The following PLD1 variants were observed in gnomAD, a reference collection of about 807,000 sequenced individuals.
PLD1 encodes choline phosphatase 1.
In PLD1, 112 loss-of-function variants were observed where a neutral mutation model predicts 137.1. That is an observed-to-expected ratio of 0.82 (90% CI 0.70 to 0.96). The LOEUF is 0.96. PLD1 is among the 40% of genes least tolerant of loss of function. The pLI is 0.00. For synonymous variants in PLD1, 431 were observed against 454.7 expected, an observed-to-expected ratio of 0.95 and a Z score of 0.66; for missense variants, 1,321 against 1,342.0, an observed-to-expected ratio of 0.98 and a Z score of 0.24.
At chr3:171,620,265 G>T in intron 24 of PLD1, 121 bp downstream of exon 24, 3 of 628,330 alleles carry the variant, frequency 4.8e-6, no homozygotes, top group Non-Finnish European at 8.1e-6. Context: ...AAATGTTTTA[G>T]TTATGGTGTT....
At chr3:171,753,989 A>G (rs1301763686) in intron 1 of PLD1, among the ~76,000 whole-genome samples, 1 of 152,102 alleles carries the variant, frequency 6.6e-6, no homozygotes, top group Non-Finnish European at 1.5e-5. Context: ...TGCCTGATTG[A>G]TTCCTATCAT....
chr3:171,643,168 G>A (rs1256184231), intron 22 of PLD1: 3 of 311,262 alleles, frequency 9.6e-6, no homozygotes, highest in African/African-American at 6.6e-5. Flanking sequence ...GAAGGGTCAT[G>A]AATGAACTTT....
intron 1 of PLD1, among the ~76,000 whole-genome samples, chr3:171,803,178 T>A (rs967788723): frequency 6.6e-6 from 1 of 152,124 alleles, no homozygotes. Context: ...AAAGGAAGAA[T>A]CAAGGGTTAA....
chr3:171,771,689 T>C (rs940454810), intron 1 of PLD1, among the ~76,000 whole-genome samples: 1 of 152,242 alleles, frequency 6.6e-6, no homozygotes, highest in Non-Finnish European at 1.5e-5. Flanking sequence ...TTGTTCAAGT[T>C]GTGTGGCAGT....
chr3:171,759,582 AG>A (rs1200516098), intron 1 of PLD1, among the ~76,000 whole-genome samples: 1 of 152,184 alleles, frequency 6.6e-6, no homozygotes, highest in East Asian at 1.9e-4. Flanking sequence ...CAGAAAAGGG[AG>A]AAAAAGAAGA....
Position 171,711,093 on chromosome 3 carries a change from T to A in PLD1, c.912-1384A>T, listed in dbSNP as rs542820436. Reference sequence around the variant, plus strand: ...TCTCCATGTTAGGCTGGTCTCGAACTCTCAACCTCAGGGGATCGGCCTGCC... The same window carrying A: ...TCTCCATGTTAGGCTGGTCTCGAACACTCAACCTCAGGGGATCGGCCTGCC... On this transcript the variant is annotated intron_variant, in intron 9 of 26. Coordinates refer to ENST00000351298, the MANE Select transcript of PLD1 (RefSeq NM_002662.5). Among the ~76,000 whole-genome samples, 294 of 150,794 alleles carry A rather than the reference T, an allele frequency of 1.9e-3. 2 individuals are homozygous for A. The highest frequency in any genetic ancestry group is 6.3e-3 in the African/African-American group (258 of 41,050).
rs373202033 is a variant in PLD1 at position 171,662,084 on chromosome 3, G to A, written c.2316C>T (p.Asn772=). The A allele has an allele frequency of 3.6e-5, 58 of 1,607,232 alleles. No homozygotes were observed. Among genetic ancestry groups the A allele is most frequent in the Non-Finnish European group, 4.9e-5 (57 of 1,173,874 alleles). The change falls in exon 20 of 27, where the codon AAC becomes AAT. Residue 772 remains asparagine (N), a synonymous_variant. Coordinates refer to ENST00000351298, the MANE Select transcript of PLD1 (RefSeq NM_002662.5). ...CTTCGATATAGATATAGTGCCTGCTGTTCTCTATCACATGGACGTAAGCGG... is the reference window on the plus strand; with the variant it reads ...CTTCGATATAGATATAGTGCCTGCTATTCTCTATCACATGGACGTAAGCGG... The part of the protein sequence containing the change: ...IHAAYVHVIE[N]SRHYIYIENQ...
intron 1 of PLD1, among the ~76,000 whole-genome samples, chr3:171,800,330 T>C (rs751572415): frequency 3.3e-5 from 5 of 152,264 alleles, no homozygotes; most frequent in East Asian, 1.9e-4. Context: ...TGCCTCAGCC[T>C]CCCAAGTAGC....
intron 8 of PLD1, among the ~76,000 whole-genome samples, chr3:171,722,227 T>C (rs183848968): frequency 6.6e-6 from 1 of 152,360 alleles, no homozygotes; most frequent in Admixed American, 6.5e-5. Flanking sequence ...TTTTAGTTGG[T>C]AAGACGTAAG....
At chr3:171,741,911 T>C (rs1340007252) in intron 1 of PLD1, among the ~76,000 whole-genome samples, 2 of 152,234 alleles carry the variant, frequency 1.3e-5, no homozygotes, top group Admixed American at 1.3e-4. Context: ...TAATTATTGA[T>C]ATTAACATAA....
At chr3:171,653,222 T>C (rs1400678817) in intron 21 of PLD1, 8 of 152,356 alleles carry the variant, frequency 5.3e-5, no homozygotes, top group Middle Eastern at 6.8e-3. Context: ...GCACTGATTA[T>C]GTGGAAAGAC....
chr3:171,676,130 C>T (rs1159349253), intron 18 of PLD1, among the ~76,000 whole-genome samples: 1 of 152,156 alleles, frequency 6.6e-6, no homozygotes, highest in Non-Finnish European at 1.5e-5. Flanking sequence ...TCGTGGGCCA[C>T]CGTGCCTGGC....
chr3:171,673,209 G>C (rs1712969245), intron 19 of PLD1, among the ~76,000 whole-genome samples: 1 of 151,688 alleles, frequency 6.6e-6, no homozygotes, highest in South Asian at 2.1e-4. Flanking sequence ...CTATCTCTAT[G>C]CCTCTGAGTT....
At chr3:171,703,981 G>A (rs1716459610) in intron 11 of PLD1, among the ~76,000 whole-genome samples, 2 of 152,210 alleles carry the variant, frequency 1.3e-5, no homozygotes, top group African/African-American at 4.8e-5. Context: ...AAAGCACATT[G>A]CAGAGCACAG....
chr3:171,718,905 A>G (rs9812524), intron 8 of PLD1, among the ~76,000 whole-genome samples: 698 of 152,290 alleles, frequency 4.6e-3, no homozygotes, highest in African/African-American at 0.016. Flanking sequence ...TATTATAACT[A>G]ATCTTGTTCT....
intron 8 of PLD1, among the ~76,000 whole-genome samples, chr3:171,714,448 T>C (rs1303638941): frequency 1.3e-5 from 2 of 152,322 alleles, no homozygotes; most frequent in East Asian, 3.9e-4. Flanking sequence ...TATTCCTATT[T>C]GCCTGCAATT....
intron 1 of PLD1, among the ~76,000 whole-genome samples, chr3:171,760,379 AG>A (rs1404337819): frequency 6.6e-6 from 1 of 152,186 alleles, no homozygotes; most frequent in Non-Finnish European, 1.5e-5. Context: ...TCAATCATCT[AG>A]GTATTATCTT....
chr3:171,689,766 C>G (rs113548069), intron 13 of PLD1, among the ~76,000 whole-genome samples: 13 of 152,150 alleles, frequency 8.5e-5, no homozygotes, highest in African/African-American at 3.1e-4. Context: ...CTTCCCAAAG[C>G]GCTGGGACTA....
intron 18 of PLD1, 58 bp downstream of exon 18, chr3:171,676,657 C>T: frequency 7.6e-7 from 1 of 1,319,284 alleles, no homozygotes; most frequent in Non-Finnish European, 1.1e-6. Context: ...TAAACCTCTT[C>T]TCTAGTTAGG....
Sources: allele counts gnomAD v4.1 joint callset (sites outside exome capture counted in the v4.1 genomes callset), GRCh38; gene constraint gnomAD v4.1.1; transcripts MANE v1.5; gene names NCBI Gene and HGNC (gene_info 2026-07-23, HGNC 2026-07-21).